GPHN: variants seen among roughly 807,000 people sequenced by gnomAD.
GPHN encodes gephyrin.
A neutral mutation model predicts 95.5 loss-of-function variants in GPHN; 17 were observed. The observed-to-expected ratio is 0.18, with a 90% CI of 0.12 to 0.27. The LOEUF is 0.27. Ranked by LOEUF, GPHN falls within the 10% of genes least tolerant of loss-of-function variation. GPHN has a pLI of 1.00. For synonymous variants in GPHN, 320 were observed against 322.5 expected (o/e 0.99, Z 0.08); for missense variants, 660 against 978.1 (o/e 0.67, Z 4.34).
At chr14:66,822,398 C>T (rs2061232903) in intron 3 of GPHN, among the ~76,000 whole-genome samples, 1 of 152,160 alleles carries the variant, frequency 6.6e-6, no homozygotes, top group Non-Finnish European at 1.5e-5. Context: ...TTTTAAAAAT[C>T]CCAGTCAGTG....
At chr14:67,559,113 C>T in the GPHN span, among the ~76,000 whole-genome samples, 4 of 152,332 alleles carry the variant, frequency 2.6e-5, no homozygotes, top group African/African-American at 9.6e-5. Context: ...CCAGGCTGCT[C>T]CTCTTCAGAT....
chr14:67,479,266 C>T, the GPHN span, among the ~76,000 whole-genome samples: 2 of 151,326 alleles, frequency 1.3e-5, no homozygotes, highest in South Asian at 2.1e-4. Context: ...ATTAGCTGGG[C>T]GTGGTGGCGT....
the GPHN span, among the ~76,000 whole-genome samples, chr14:67,499,448 T>G: frequency 6.6e-5 from 10 of 152,290 alleles, no homozygotes; most frequent in Non-Finnish European, 1.2e-4. Context: ...TTTTCCAGCA[T>G]AGTGACAATA....
At chr14:67,379,210 T>C in the GPHN span, among the ~76,000 whole-genome samples, 1 of 152,232 alleles carries the variant, frequency 6.6e-6, no homozygotes, top group Non-Finnish European at 1.5e-5. Flanking sequence ...TGAGAGTTTC[T>C]AATATATATG....
chr14:67,199,996 C>A, the GPHN span: 1 of 1,030,194 alleles, frequency 9.7e-7, no homozygotes, highest in Non-Finnish European at 1.4e-6. Context: ...GCAGCTGGCA[C>A]ACCATGGACC....
chr14:67,239,716 C>T, the GPHN span, among the ~76,000 whole-genome samples: 1 of 152,078 alleles, frequency 6.6e-6, no homozygotes, highest in Admixed American at 6.5e-5. Flanking sequence ...ATTAGCCGGG[C>T]GTGGTGGCTG....
the GPHN span, among the ~76,000 whole-genome samples, chr14:67,446,886 G>A: frequency 6.7e-6 from 1 of 149,688 alleles, no homozygotes; most frequent in Non-Finnish European, 1.5e-5. Flanking sequence ...TTTTTTTTTT[G>A]GATCACAGCC....
At chr14:67,290,348 G>A in the GPHN span, among the ~76,000 whole-genome samples, 1 of 152,166 alleles carries the variant, frequency 6.6e-6, no homozygotes, top group Non-Finnish European at 1.5e-5. Flanking sequence ...TGATAGACCA[G>A]TGAAATAAAG....
At chr14:67,070,715 A>AAAAAAAAAATATATATAT in intron 11 of GPHN, among the ~76,000 whole-genome samples, 1 of 80,698 alleles carries the variant, frequency 1.2e-5, no homozygotes, top group Admixed American at 1.7e-4. Context: ...AAAAAAAAAA[A>AAAAAAAAAATATATATAT]ATATATATAT....
chr14:67,296,443 A>T, the GPHN span, among the ~76,000 whole-genome samples: 4 of 152,134 alleles, frequency 2.6e-5, no homozygotes, highest in East Asian at 7.8e-4. Context: ...TACTAAAAAT[A>T]CAAAAAAATT....
the GPHN span, among the ~76,000 whole-genome samples, chr14:67,371,590 T>A: frequency 6.6e-6 from 1 of 152,244 alleles, no homozygotes; most frequent in Non-Finnish European, 1.5e-5. Context: ...TATACTCTAT[T>A]ATTCCTAGGC....
the GPHN span, among the ~76,000 whole-genome samples, chr14:67,476,623 A>T: frequency 6.6e-6 from 1 of 152,134 alleles, no homozygotes; most frequent in African/African-American, 2.4e-5. Context: ...AAAAAGATTC[A>T]TGTGAAGGTC....
the GPHN span, chr14:67,613,707 C>A: frequency 4.6e-6 from 1 of 218,514 alleles, no homozygotes; most frequent in Non-Finnish European, 9.8e-6. Flanking sequence ...CATCATCTAA[C>A]CATTACAGCC....
At chr14:66,899,145 TTTTG>T (rs2065009653) in intron 5 of GPHN, among the ~76,000 whole-genome samples, 2 of 151,132 alleles carry the variant, frequency 1.3e-5, no homozygotes, top group African/African-American at 4.8e-5. Context: ...TTGTTTTTTG[TTTTG>T]TTTGTTGTTT....
At chr14:67,721,773 C>CAT in the GPHN span, among the ~76,000 whole-genome samples, 10 of 149,160 alleles carry the variant, frequency 6.7e-5, no homozygotes, top group South Asian at 2.1e-4. Context: ...ATGTATAACA[C>CAT]ATATATATAT....
At chr14:66,771,574 T>G (rs1023834545) in intron 2 of GPHN, among the ~76,000 whole-genome samples, 2 of 152,130 alleles carry the variant, frequency 1.3e-5, no homozygotes, top group East Asian at 1.9e-4. Flanking sequence ...ATTGCAAAAT[T>G]GCAATTTTTT....
At chr14:67,166,368 CTT>C (rs142845120) in intron 20 of GPHN, among the ~76,000 whole-genome samples, 36 of 152,304 alleles carry the variant, frequency 2.4e-4, no homozygotes, top group African/African-American at 7.7e-4. Context: ...GGAAGAGCCT[CTT>C]TTGTCTACGG....
intron 2 of GPHN, among the ~76,000 whole-genome samples, chr14:66,682,785 T>C (rs562038294): frequency 6.6e-6 from 1 of 152,272 alleles, no homozygotes; most frequent in East Asian, 1.9e-4. Flanking sequence ...TTGTAAGATA[T>C]GTTTTAGTAA....
At chr14:67,406,995 C>T in the GPHN span, among the ~76,000 whole-genome samples, 1 of 152,234 alleles carries the variant, frequency 6.6e-6, no homozygotes, top group South Asian at 2.1e-4. Flanking sequence ...CTTGGAGTTC[C>T]CTGGATCCCT....
Sources: allele counts gnomAD v4.1 joint callset (sites outside exome capture counted in the v4.1 genomes callset), GRCh38; gene constraint gnomAD v4.1.1; transcripts MANE v1.5; gene names NCBI Gene and HGNC (gene_info 2026-07-23, HGNC 2026-07-21).